The following DHCR24 variants were observed in gnomAD, a reference collection of about 807,000 sequenced individuals.
DHCR24 encodes delta(24)-sterol reductase.
In DHCR24, 28 loss-of-function variants were observed where a neutral mutation model predicts 61.2. The ratio of observed to expected loss-of-function variants is 0.46; its 90% confidence interval spans 0.34 to 0.63. DHCR24 has a LOEUF of 0.63. DHCR24 is among the 20% of genes least tolerant of loss of function. The pLI, the probability that DHCR24 is intolerant of heterozygous loss-of-function variation, is 0.01. For synonymous variants in DHCR24, 261 were observed against 275.9 expected (o/e 0.95, Z 0.54); for missense variants, 538 against 679.1 (o/e 0.79, Z 2.31).
At chr1:54,852,605 TAG>T (rs1211603407) in intron 8 of DHCR24, among the ~76,000 whole-genome samples, 1 of 152,092 alleles carries the variant, frequency 6.6e-6, no homozygotes, top group Non-Finnish European at 1.5e-5. Flanking sequence ...GCAGTGGAGG[TAG>T]AGTCAGGAGT....
At chr1:54,852,493 T>C (rs1402824083) in intron 8 of DHCR24, 107 bp from the exon 9 acceptor site, 2 of 1,272,288 alleles carry the variant, frequency 1.6e-6, no homozygotes, top group Admixed American at 1.8e-5. Flanking sequence ...TTTTGGAGGA[T>C]TTCTCTTGTT....
chr1:54,872,779 T>C (rs1175263020), intron 4 of DHCR24, among the ~76,000 whole-genome samples: 1 of 152,148 alleles, frequency 6.6e-6, no homozygotes, highest in South Asian at 2.1e-4. Context: ...CGATAATAAA[T>C]AGGTCAAAAG....
chr1:54,851,941 C>G lies in DHCR24; in HGVS notation c.*292G>C. 2.1e-6 allele frequency: 1 copy of G among 470,504 alleles called. No homozygotes were observed. The highest frequency in any genetic ancestry group is 3.9e-6 in the Non-Finnish European group (1 of 255,248). The allele number at this position is 470,504 out of a possible 1,614,324, so 29.1% of individuals were successfully genotyped here. A position where few individuals can be genotyped will look rare whatever the true frequency, so the allele number is the denominator to read the frequency against. On this transcript the variant is annotated 3_prime_UTR_variant, in exon 9 of 9. Coordinates refer to ENST00000371269, the MANE Select transcript of DHCR24 (RefSeq NM_014762.4). ...AAGTAGGTATTACTATCCCTTTCAA[C>G]TAATGAAGAGACCCGGGCTCAGAGG...
At chr1:54,866,148 T>C (rs1646966969) in intron 5 of DHCR24, among the ~76,000 whole-genome samples, 1 of 152,046 alleles carries the variant, frequency 6.6e-6, no homozygotes, top group South Asian at 2.1e-4. Context: ...AAATGAATTC[T>C]GGCAGATGCT....
chr1:54,877,948 G>A (rs565689007), intron 2 of DHCR24, among the ~76,000 whole-genome samples: 7 of 151,664 alleles, frequency 4.6e-5, no homozygotes, highest in African/African-American at 1.7e-4. Context: ...GGAGGTTGCA[G>A]TGAGCCAAGA....
At chr1:54,874,032 AAAG>A (rs1309879891) in intron 4 of DHCR24, among the ~76,000 whole-genome samples, 2 of 152,262 alleles carry the variant, frequency 1.3e-5, no homozygotes, top group African/African-American at 4.8e-5. Flanking sequence ...ATAAGGATAT[AAAG>A]AAGGAAACTA....
Position 54,868,457 on chromosome 1 carries a change from G to A in DHCR24, c.876+2893C>T, listed in dbSNP as rs112466618. 9.6e-3 allele frequency among the ~76,000 whole-genome samples: 1,452 copies of A among 151,906 alleles called. 24 individuals are homozygous for A. Among genetic ancestry groups the A allele is most frequent in the African/African-American group, 0.033 (1,384 of 41,408 alleles). ...TGCACTCCAGCCTGGGTGACAGAGC[G>A]AGACTCTGTCTCAAAAAAAAACAAA... On this transcript the variant is annotated intron_variant, in intron 5 of 8. Transcript: ENST00000371269.
At position 54,865,421 on chromosome 1, in the gene DHCR24, T is replaced by TTGTAGTAATTGCC; in HGVS notation, c.889_901dup (p.Lys301ArgfsTer10). On this transcript the variant is annotated frameshift_variant, in exon 6 of 9. Coordinates refer to ENST00000371269, the MANE Select transcript of DHCR24 (RefSeq NM_014762.4). LOFTEE classifies it high-confidence loss of function. ...CTCCACATGCTTAAAGAACCACGGC[T>TTGTAGTAATTGCC]TGTAGTAATTGCCAATGCTATTCAG... is the stretch of plus-strand genomic sequence containing the variant. 1 of 1,614,202 alleles carries TTGTAGTAATTGCC rather than the reference T, an allele frequency of 6.2e-7. No homozygotes were observed. The highest frequency in any genetic ancestry group is 1.1e-5 in the South Asian group (1 of 91,088).
rs144785673 is a variant in DHCR24, at chr1:54,883,599, G to A, written c.387+19C>T. ...AGTGCCCCACCTGCTCCCAGAGCCCGGAAAAGTGCTACTCTCACCTGTTTC... is the reference window on the plus strand; with the variant it reads ...AGTGCCCCACCTGCTCCCAGAGCCCAGAAAAGTGCTACTCTCACCTGTTTC... On this transcript the variant is annotated intron_variant, in intron 2 of 8. Transcript: ENST00000371269. The surrounding 1 kb of genome is among the most constrained non-coding windows in gnomAD (Gnocchi z 4.3). 1,320 of 1,614,096 alleles carry A rather than the reference G, an allele frequency of 8.2e-4. 13 individuals are homozygous for A. The African/African-American group carries it at 0.015, about 19-fold the overall frequency.
intron 8 of DHCR24, among the ~76,000 whole-genome samples, 168 bp downstream of exon 8, chr1:54,853,266 T>C (rs1376163572): frequency 1.3e-5 from 2 of 152,118 alleles, no homozygotes; most frequent in Non-Finnish European, 2.9e-5. Flanking sequence ...CCTGCCCATC[T>C]TTCACAGCTT....
chr1:54,880,777 T>TA (rs1201605090), intron 2 of DHCR24, among the ~76,000 whole-genome samples: 2 of 102,784 alleles, frequency 1.9e-5, no homozygotes, highest in Non-Finnish European at 4.4e-5. Context: ...AAAACAAAAA[T>TA]ATAAACAAAC....
intron 5 of DHCR24, among the ~76,000 whole-genome samples, chr1:54,867,158 C>G (rs902950382): frequency 3.3e-5 from 5 of 152,212 alleles, no homozygotes; most frequent in Non-Finnish European, 7.3e-5. Context: ...CAGTCCACCC[C>G]AGCCCTTGAC....
In DHCR24 at chr1:54,850,504, T is replaced by C. The variant is rs1394684107; in HGVS notation, c.*1729A>G. ...GCCCCCAGCCCTCACAAGACCCTGC[T>C]AAGACACTGGCAGTGTGCCAAGCCT... On this transcript the variant is annotated 3_prime_UTR_variant, in exon 9 of 9. Coordinates refer to ENST00000371269, the MANE Select transcript of DHCR24 (RefSeq NM_014762.4). 6.6e-6 allele frequency: 1 copy of C among 152,258 alleles called. No individual in the cohort carries two copies. The highest frequency in any genetic ancestry group is 1.5e-5 in the Non-Finnish European group (1 of 68,070). The allele number at this position is 152,258 out of a possible 1,614,324, so 9.4% of individuals were successfully genotyped here. A position where few individuals can be genotyped will look rare whatever the true frequency, so the allele number is the denominator to read the frequency against.
intron 8 of DHCR24, among the ~76,000 whole-genome samples, chr1:54,853,139 G>A (rs374310063): frequency 1.3e-4 from 20 of 151,992 alleles, no homozygotes; most frequent in Middle Eastern, 3.4e-3. Context: ...CATCTGTTCC[G>A]TGGGGAGGAG....
intron 2 of DHCR24, among the ~76,000 whole-genome samples, chr1:54,882,499 C>T (rs78431558): frequency 1.7e-4 from 26 of 152,282 alleles, no homozygotes; most frequent in African/African-American, 6.0e-4. Context: ...AGATATTTGC[C>T]CAAGAGAAAG....
At position 54,883,808 on chromosome 1, in the gene DHCR24, C is replaced by G; in HGVS notation, c.232-35G>C. On this transcript the variant is annotated intron_variant, in intron 1 of 8. Transcript: ENST00000371269. This position sits in a 1 kb window ranked among gnomAD's most constrained non-coding sequence, Gnocchi z 4.3. Reference sequence around the variant, plus strand: ...CAGGACAGAGGGTGAGCTGGCCCCACTGGGAATCCCCAGAGCAGCCTGCAG... The same window carrying G: ...CAGGACAGAGGGTGAGCTGGCCCCAGTGGGAATCCCCAGAGCAGCCTGCAG... 1 of 1,613,302 alleles carries G rather than the reference C, an allele frequency of 6.2e-7. No homozygotes were observed. Among genetic ancestry groups the G allele is most frequent in the Non-Finnish European group, 8.5e-7 (1 of 1,180,006 alleles).
Position 54,852,365 on chromosome 1 carries a change from G to C in DHCR24, c.1419C>G (p.Asp473Glu). 1 of 1,614,152 alleles carries C rather than the reference G, an allele frequency of 6.2e-7. No individual in the cohort carries two copies. The highest frequency in any genetic ancestry group is 8.5e-7 in the Non-Finnish European group (1 of 1,180,050). The change falls in exon 9 of 9, where the codon GAC (aspartate) becomes GAG (glutamate). Residue 473 changes from aspartate (D) to glutamate (E), a missense_variant. By Grantham distance (45) the Asp-to-Glu change is conservative (BLOSUM62 2). Transcript: ENST00000371269. Reference sequence around the variant, plus strand: ...AGAACTCCTCCCGGTTCATGTAGCAGTCGGCATACAGCATCTGGAAGCTGC... The same window carrying C: ...AGAACTCCTCCCGGTTCATGTAGCACTCGGCATACAGCATCTGGAAGCTGC... ...SVHGFQMLYA[D>E]CYMNREEFWE...
intron 5 of DHCR24, among the ~76,000 whole-genome samples, chr1:54,866,552 G>A (rs1011656246): frequency 1.3e-5 from 2 of 152,174 alleles, no homozygotes; most frequent in Non-Finnish European, 2.9e-5. Flanking sequence ...AGCCTAGGCA[G>A]GTTACTTAGC....
At chr1:54,875,370 A>G (rs1395767058) in intron 3 of DHCR24, among the ~76,000 whole-genome samples, 159 bp from the exon 4 acceptor site, 1 of 152,024 alleles carries the variant, frequency 6.6e-6, no homozygotes, top group Non-Finnish European at 1.5e-5. Flanking sequence ...CAATCTAGAG[A>G]GCAGGAGAGG....
Sources: gnomAD v4.1 joint callset for allele counts (sites outside exome capture counted in the v4.1 genomes callset) on GRCh38, gnomAD v4.1.1 for gene constraint, Gnocchi (gnomAD v3.1) non-coding constraint, MANE v1.5 for transcripts, NCBI Gene and HGNC (gene_info 2026-07-23, HGNC 2026-07-21) for gene names.